The following FBXO34 variants were observed in gnomAD, a reference collection of about 807,000 sequenced individuals.
FBXO34 encodes the protein F-box only protein 34.
In FBXO34, 12 loss-of-function variants were observed where a neutral mutation model predicts 24.5. That is an observed-to-expected ratio of 0.49 (90% CI 0.31 to 0.79). The LOEUF (loss-of-function observed/expected upper bound fraction) is 0.79. Among genes scored for constraint, FBXO34 ranks in the 30% least tolerant of loss-of-function variants. FBXO34 has a pLI of 0.04. For synonymous variants in FBXO34, 320 were observed against 311.9 expected, an observed-to-expected ratio of 1.03 and a Z score of -0.27; for missense variants, 823 against 857.7, an observed-to-expected ratio of 0.96 and a Z score of 0.51.
At chr14:55,402,968 T>TATATAA in the FBXO34 span, among the ~76,000 whole-genome samples, 14 of 60,974 alleles carry the variant, frequency 2.3e-4, no homozygotes, top group Admixed American at 1.5e-3. Flanking sequence ...TATATATATA[T>TATATAA]AAATAGCTGG....
In FBXO34 at chr14:55,352,152, A is replaced by G. The variant is rs1277393034; in HGVS notation, c.1762A>G (p.Arg588Gly). 3.1e-6 allele frequency: 5 copies of G among 1,614,018 alleles called. No individual in the cohort carries two copies. In the South Asian group the frequency reaches 3.3e-5, roughly 11 times the overall value. Residue 588 changes from arginine (R) to glycine (G), a missense_variant, in exon 2 of 2, where the codon AGG (arginine) becomes GGG (glycine). Arg to Gly is a moderately radical substitution (Grantham distance 125, BLOSUM62 -2). Transcript: ENST00000313833. ...CCACCACATTATGGTAAAAATCTTC[A>G]GGTTACTTCCCACCAAGAGTTTAGT... ...LPHHIMVKIF[R>G]LLPTKSLVAL... is the part of the protein sequence containing the mutation.
the FBXO34 span, among the ~76,000 whole-genome samples, chr14:55,397,718 G>A: frequency 8.4e-3 from 1,279 of 152,254 alleles, 23 homozygotes; most frequent in African/African-American, 0.03. Flanking sequence ...AGGCACATCA[G>A]AACACTAAAG....
At chr14:55,344,387 TATCTC>T (rs1884089585) in intron 1 of FBXO34, among the ~76,000 whole-genome samples, 1 of 152,162 alleles carries the variant, frequency 6.6e-6, no homozygotes, top group Non-Finnish European at 1.5e-5. Flanking sequence ...AAAGAGTTGT[TATCTC>T]TATCCAGAAA....
chr14:55,350,388 G>C lies in FBXO34; in HGVS notation c.-3G>C, dbSNP rs1884306525. 3 of 1,546,680 alleles carry C rather than the reference G, an allele frequency of 1.9e-6. No homozygotes were observed. Among genetic ancestry groups the C allele is most frequent in the Non-Finnish European group, 2.6e-6 (3 of 1,153,842 alleles). On this transcript the variant is annotated 5_prime_UTR_variant, in exon 2 of 2. Coordinates refer to ENST00000313833, the MANE Select transcript of FBXO34 (RefSeq NM_017943.4). ...TGTATTTCTTTCCTATAGGGGCTTT[G>C]TTATGCACCTAAAGCCATATTGGAA... is the stretch of plus-strand genomic sequence containing the variant.
intron 1 of FBXO34, among the ~76,000 whole-genome samples, chr14:55,277,886 G>T (rs1340608105): frequency 6.6e-6 from 1 of 152,024 alleles, no homozygotes; most frequent in Non-Finnish European, 1.5e-5. Flanking sequence ...AAGATCATTT[G>T]CTTTAAGTAG....
chr14:55,411,486 T>A, the FBXO34 span: 2 of 1,022,268 alleles, frequency 2.0e-6, no homozygotes, highest in Non-Finnish European at 2.8e-6. Flanking sequence ...TCCCTCTCTC[T>A]CGCTCCTCTC....
intron 1 of FBXO34, among the ~76,000 whole-genome samples, chr14:55,278,197 A>G (rs1881408400): frequency 1.3e-5 from 2 of 152,228 alleles, no homozygotes; most frequent in African/African-American, 4.8e-5. Context: ...TAAAACAGGA[A>G]GTGCATGTGA....
At chr14:55,350,323 CA>C (rs978789495) in intron 1 of FBXO34, 57 bp from the exon 2 acceptor site, 7 of 1,324,152 alleles carry the variant, frequency 5.3e-6, no homozygotes, top group Non-Finnish European at 6.0e-6. Flanking sequence ...AATTTAAAAA[CA>C]TTTTTTTCTA....
the FBXO34 span, among the ~76,000 whole-genome samples, chr14:55,442,261 C>A: frequency 4.9e-4 from 74 of 151,164 alleles, no homozygotes; most frequent in African/African-American, 1.7e-3. Context: ...TGGTAGTGTG[C>A]GCCTGTAATC....
the FBXO34 span, chr14:55,377,880 G>A: frequency 2.7e-3 from 4,347 of 1,606,544 alleles, 122 homozygotes; most frequent in South Asian, 0.045. Context: ...GTATGCAGTG[G>A]TTGTAATTGA....
At position 55,352,569 on chromosome 14, in the gene FBXO34, C is replaced by A; in HGVS notation, c.*43C>A. The A allele has an allele frequency of 6.7e-7, 1 of 1,500,586 alleles. No homozygotes were observed. The highest frequency in any genetic ancestry group is 9.0e-7 in the Non-Finnish European group (1 of 1,109,208). 93.0% of individuals were successfully genotyped at this position (1,500,586 alleles called of 1,614,324 possible). A position where few individuals can be genotyped will look rare whatever the true frequency, so the allele number is the denominator to read the frequency against. The stretch of plus-strand genomic sequence containing the variant: ...ACAAAAGGACCGGTTTCTAAAGCTG[C>A]AAAACACCTAGATACACCGTTCAAA... On this transcript the variant is annotated 3_prime_UTR_variant, in exon 2 of 2. Transcript: ENST00000313833.
At chr14:55,391,250 CAGATCAAGAGGTTAGG>C in the FBXO34 span, 1 of 301,414 alleles carries the variant, frequency 3.3e-6, no homozygotes, top group Non-Finnish European at 6.1e-6. Context: ...CCAAGGAGGG[CAGATCAAGAGGTTAGG>C]AGATCAAGAC....
intron 1 of FBXO34, among the ~76,000 whole-genome samples, chr14:55,286,882 C>T (rs956999858): frequency 3.3e-5 from 5 of 149,888 alleles, no homozygotes; most frequent in Non-Finnish European, 5.9e-5. Flanking sequence ...CATTGAAACA[C>T]GGAATTCATT....
At chr14:55,380,083 C>G in the FBXO34 span, among the ~76,000 whole-genome samples, 11 of 152,144 alleles carry the variant, frequency 7.2e-5, no homozygotes, top group African/African-American at 2.2e-4. Flanking sequence ...CCCCCTCACT[C>G]CTAGAAATAC....
the FBXO34 span, chr14:55,377,947 A>G: frequency 1.5e-5 from 24 of 1,593,696 alleles, no homozygotes; most frequent in Non-Finnish European, 2.1e-5. Flanking sequence ...CAACTATTTA[A>G]CAAAGTAAAA....
chr14:55,299,895 G>A (rs558147952), intron 1 of FBXO34, among the ~76,000 whole-genome samples: 7 of 152,292 alleles, frequency 4.6e-5, no homozygotes, highest in East Asian at 1.9e-4. Flanking sequence ...TACTCATGTA[G>A]GAGGGGAAAT....
downstream of FBXO34, among the ~76,000 whole-genome samples, chr14:55,355,975 G>C (rs768362818): frequency 1.3e-5 from 2 of 152,206 alleles, no homozygotes; most frequent in South Asian, 4.1e-4. Flanking sequence ...AACTCCCACT[G>C]CAGCTATGTG....
At chr14:55,284,697 C>T (rs558553276) in intron 1 of FBXO34, among the ~76,000 whole-genome samples, 1 of 148,042 alleles carries the variant, frequency 6.8e-6, no homozygotes, top group South Asian at 2.2e-4. Context: ...GCTCACTGCA[C>T]CTCAACCACC....
the FBXO34 span, among the ~76,000 whole-genome samples, chr14:55,417,762 A>G: frequency 6.6e-6 from 1 of 152,168 alleles, no homozygotes; most frequent in Non-Finnish European, 1.5e-5. Context: ...AGCAAAACTT[A>G]CCATTCCTTT....
Sources: gnomAD v4.1 joint callset for allele counts (sites outside exome capture counted in the v4.1 genomes callset) on GRCh38, gnomAD v4.1.1 for gene constraint, MANE v1.5 for transcripts, NCBI Gene and HGNC (gene_info 2026-07-23, HGNC 2026-07-21) for gene names.